Variants in ERCC6L2 observed in about 807,000 individuals in gnomAD.
The protein encoded by ERCC6L2 is ERCC excision repair 6 like 2.
A neutral mutation model predicts 132.0 loss-of-function variants in ERCC6L2; 77 were observed. The observed-to-expected ratio is 0.58, with a 90% confidence interval of 0.49 to 0.71. The LOEUF (loss-of-function observed/expected upper bound fraction) is 0.71. Among genes scored for constraint, ERCC6L2 ranks in the 30% least tolerant of loss-of-function variants. The pLI is 0.00. For synonymous variants in ERCC6L2, 583 were observed against 632.4 expected (o/e 0.92, Z 1.17); for missense variants, 1,542 against 1,837.6 (o/e 0.84, Z 2.94).
intron 17 of ERCC6L2, among the ~76,000 whole-genome samples, chr9:95,980,600 A>G (rs749080560): frequency 2.0e-4 from 30 of 152,162 alleles, no homozygotes; most frequent in Admixed American, 4.6e-4. Context: ...TCGCGTCAAT[A>G]TTACTTCAGC....
chr9:95,887,696 G>A (rs1181565800), intron 2 of ERCC6L2, among the ~76,000 whole-genome samples: 4 of 152,010 alleles, frequency 2.6e-5, no homozygotes. Flanking sequence ...GAGAGAAATG[G>A]GATTGCTGAT....
intron 2 of ERCC6L2, among the ~76,000 whole-genome samples, chr9:95,885,875 A>G (rs963510605): frequency 3.3e-5 from 5 of 152,164 alleles, no homozygotes; most frequent in Non-Finnish European, 7.3e-5. Context: ...GCTTCAGGTA[A>G]TTCCAAGGCC....
At chr9:95,950,801 C>G (rs1449487181) in intron 12 of ERCC6L2, among the ~76,000 whole-genome samples, 1 of 152,072 alleles carries the variant, frequency 6.6e-6, no homozygotes, top group Non-Finnish European at 1.5e-5. Context: ...TACATAAATT[C>G]AACAAACAAT....
chr9:96,015,919 G>A lies in ERCC6L2; in HGVS notation c.*2716G>A, dbSNP rs897436697. ...ATATTTATCACTATTATGTAGGAAA[G>A]TGTGTCAGGTGGAATGCAGAGTCCA... On this transcript the variant is annotated 3_prime_UTR_variant, in exon 19 of 19. Coordinates refer to ENST00000653738, the MANE Select transcript of ERCC6L2 (RefSeq NM_020207.7). Among the ~76,000 whole-genome samples the A allele has an allele frequency of 1.3e-5, 2 of 152,220 alleles. No individual in the cohort carries two copies. The highest frequency in any genetic ancestry group is 2.9e-5 in the Non-Finnish European group (2 of 68,038).
chr9:95,991,664 T>C (rs1833306036), intron 17 of ERCC6L2, among the ~76,000 whole-genome samples: 1 of 152,228 alleles, frequency 6.6e-6, no homozygotes, highest in Non-Finnish European at 1.5e-5. Context: ...AGCTTGTATC[T>C]ACCACCATAG....
chr9:95,908,336 A>T (rs1352477289), intron 4 of ERCC6L2, among the ~76,000 whole-genome samples: 1 of 152,028 alleles, frequency 6.6e-6, no homozygotes, highest in Admixed American at 6.5e-5. Context: ...GAAGAGAAAG[A>T]GACACCAAGG....
intron 2 of ERCC6L2, among the ~76,000 whole-genome samples, chr9:95,881,745 C>T (rs1827608186): frequency 6.6e-6 from 1 of 152,194 alleles, no homozygotes; most frequent in Non-Finnish European, 1.5e-5. Flanking sequence ...ACTAGCAGTT[C>T]TGTTTGTGAA....
In ERCC6L2 at chr9:95,899,610, G is replaced by A. The variant is rs1316138367; in HGVS notation, c.594+1639G>A. On this transcript the variant is annotated intron_variant, in intron 3 of 18. Transcript: ENST00000653738. ...TCTCTTTATATATATATGTGTGTGT[G>A]TGTGTGTGTGTGTGTGTGTGTGCGT... 2.4e-3 allele frequency among the ~76,000 whole-genome samples: 323 copies of A among 136,356 alleles called. 3 individuals carry two copies. Among genetic ancestry groups the A allele is most frequent in the African/African-American group, 8.6e-3 (309 of 35,740 alleles). 89.5% of individuals were successfully genotyped at this position (136,356 alleles called of 152,430 possible).
chr9:95,888,945 C>T (rs1209285484), intron 2 of ERCC6L2, among the ~76,000 whole-genome samples: 1 of 151,972 alleles, frequency 6.6e-6, no homozygotes, highest in Admixed American at 6.6e-5. Flanking sequence ...TTTTAGCTAG[C>T]TTCTCCAGTT....
chr9:95,972,732 T>C lies in ERCC6L2; in HGVS notation c.2981T>C (p.Val994Ala), dbSNP rs1419688128. ...ATTGAAATTTCTTCCAAGTCAAGAG[T>C]AAGAAAGAGAGCTAGTTCATTGAGG... ...DDIEISSKSR[V>A]RKRASSLRFK... The change falls in exon 16 of 19, where the codon GTA (valine) becomes GCA (alanine). Residue 994 changes from valine (V) to alanine (A), a missense_variant. Around this residue, in one of 4 missense-constraint regions of ERCC6L2, gnomAD observed 945 missense variants for 1,105.2 expected, o/e 0.86. Coordinates refer to ENST00000653738, the MANE Select transcript of ERCC6L2 (RefSeq NM_020207.7). The C allele has an allele frequency of 7.7e-7, 1 of 1,302,614 alleles. No individual in the cohort carries two copies. Among genetic ancestry groups the C allele is most frequent in the Admixed American group, 2.3e-5 (1 of 43,454 alleles). 80.7% of individuals were successfully genotyped at this position (1,302,614 alleles called of 1,614,324 possible).
At chr9:95,984,936 G>A (rs961377779) in intron 17 of ERCC6L2, among the ~76,000 whole-genome samples, 1 of 151,888 alleles carries the variant, frequency 6.6e-6, no homozygotes, top group South Asian at 2.1e-4. Flanking sequence ...TCAGTCAGGG[G>A]AATGATCTCT....
downstream of ERCC6L2, among the ~76,000 whole-genome samples, chr9:96,022,939 G>C (rs1161687908): frequency 2.0e-5 from 3 of 152,092 alleles, no homozygotes; most frequent in African/African-American, 7.2e-5. Context: ...CACTTAGCGC[G>C]CTCTCCCGTC....
chr9:96,010,145 T>C (rs1833980400), intron 18 of ERCC6L2, among the ~76,000 whole-genome samples: 1 of 152,242 alleles, frequency 6.6e-6, no homozygotes, highest in South Asian at 2.1e-4. Context: ...CATTGGCAAT[T>C]TCCAGGACAG....
In ERCC6L2 at chr9:96,016,451, A is replaced by G. The variant is rs1834187462; in HGVS notation, c.*3248A>G. ...CTGGCTGAACACTCACCACACAGCT[A>G]TTAATATTGGAAACTGAGGCAAGAT... On this transcript the variant is annotated 3_prime_UTR_variant, in exon 19 of 19. Transcript: ENST00000653738. 6.6e-6 allele frequency among the ~76,000 whole-genome samples: 1 copy of G among 152,208 alleles called. No homozygotes were observed. Among genetic ancestry groups the G allele is most frequent in the Non-Finnish European group, 1.5e-5 (1 of 68,038 alleles).
chr9:96,002,702 G>A (rs2133197632), intron 17 of ERCC6L2, among the ~76,000 whole-genome samples: 1 of 152,288 alleles, frequency 6.6e-6, no homozygotes, highest in South Asian at 2.1e-4. Flanking sequence ...CCAAAGTGCT[G>A]GGATTACAAG....
intron 4 of ERCC6L2, among the ~76,000 whole-genome samples, chr9:95,911,268 C>G (rs1185604356): frequency 1.3e-5 from 2 of 152,158 alleles, no homozygotes; most frequent in Non-Finnish European, 2.9e-5. Context: ...GTAATAAATT[C>G]TTCTATCATA....
At chr9:95,929,457 A>G (rs939474741) in intron 11 of ERCC6L2, among the ~76,000 whole-genome samples, 1 of 152,262 alleles carries the variant, frequency 6.6e-6, no homozygotes, top group Non-Finnish European at 1.5e-5. Context: ...AGGAAGGAAC[A>G]GATCAATAAC....
intron 11 of ERCC6L2, among the ~76,000 whole-genome samples, chr9:95,938,413 T>C (rs1830654053): frequency 6.6e-6 from 1 of 152,112 alleles, no homozygotes; most frequent in African/African-American, 2.4e-5. Flanking sequence ...TCTCTAGGAG[T>C]TCTATCAGTT....
In ERCC6L2 at chr9:95,876,047, G is replaced by A; in HGVS notation, c.9G>A (p.Pro3=). ...CCCCTCCCCCTGGCCGGATGGATCC[G>A]TCGGCGCCACAGCCCCGCGCGGAAA... MD[P]SAPQPRAETS... Residue 3 remains proline, a synonymous_variant, in exon 1 of 19, where the codon CCG becomes CCA. Coordinates refer to ENST00000653738, the MANE Select transcript of ERCC6L2 (RefSeq NM_020207.7). 1.3e-6 allele frequency: 2 copies of A among 1,588,658 alleles called. No homozygotes were observed. The highest frequency in any genetic ancestry group is 1.3e-5 in the African/African-American group (1 of 74,348).
Sources: allele counts gnomAD v4.1 joint callset (sites outside exome capture counted in the v4.1 genomes callset), GRCh38; gene constraint gnomAD v4.1.1; regional missense constraint gnomAD v4.1.1; transcripts MANE v1.5; gene names NCBI Gene and HGNC (gene_info 2026-07-23, HGNC 2026-07-21).